Variants in ROR1 observed in about 807,000 individuals in gnomAD.
The protein encoded by ROR1 is ROR family WNT receptor 1.
ROR1 carries 19 observed loss-of-function variants against 78.8 expected under a neutral mutation model. The ratio of observed to expected loss-of-function variants is 0.24; its 90% CI spans 0.17 to 0.35. ROR1 has a LOEUF of 0.35. Ranked by LOEUF, ROR1 falls within the 10% of genes least tolerant of loss-of-function variation. The pLI, the probability that ROR1 is intolerant of heterozygous loss-of-function variation, is 1.00. For synonymous variants in ROR1, 386 were observed against 433.6 expected (o/e 0.89, Z 1.36); for missense variants, 917 against 1,177.8 (o/e 0.78, Z 3.24).
At chr1:63,969,605 A>G (rs1362633872) in intron 1 of ROR1, among the ~76,000 whole-genome samples, 1 of 152,044 alleles carries the variant, frequency 6.6e-6, no homozygotes, top group African/African-American at 2.4e-5. Context: ...TCCTGTCCCC[A>G]TGAATGGCCC....
chr1:63,822,000 A>G (rs1447757078), intron 1 of ROR1, among the ~76,000 whole-genome samples: 1 of 152,214 alleles, frequency 6.6e-6, no homozygotes, highest in Non-Finnish European at 1.5e-5. Flanking sequence ...TTTGGTGCAG[A>G]CATTTTCTTG....
At chr1:64,091,704 C>G (rs944342246) in intron 4 of ROR1, among the ~76,000 whole-genome samples, 4 of 152,232 alleles carry the variant, frequency 2.6e-5, no homozygotes, top group Admixed American at 6.5e-5. Context: ...CCATTATATT[C>G]TCTTCTTCCC....
At chr1:63,900,208 C>T (rs989121135) in intron 1 of ROR1, among the ~76,000 whole-genome samples, 2 of 152,090 alleles carry the variant, frequency 1.3e-5, no homozygotes, top group Non-Finnish European at 2.9e-5. Flanking sequence ...AATCCCAGCA[C>T]CTTGGGAGGC....
chr1:64,036,647 A>T (rs1483915087), intron 2 of ROR1, among the ~76,000 whole-genome samples: 1 of 152,186 alleles, frequency 6.6e-6, no homozygotes, highest in Non-Finnish European at 1.5e-5. Context: ...CTTCTCCAAT[A>T]AATGTCTGCT....
chr1:63,965,390 C>A (rs923940980), intron 1 of ROR1, among the ~76,000 whole-genome samples: 2 of 152,180 alleles, frequency 1.3e-5, no homozygotes, highest in African/African-American at 2.4e-5. Context: ...CTGGTTACTA[C>A]GATGAAGAGT....
At chr1:64,051,012 A>T (rs1258871324) in intron 4 of ROR1, among the ~76,000 whole-genome samples, 1 of 152,188 alleles carries the variant, frequency 6.6e-6, no homozygotes, top group Non-Finnish European at 1.5e-5. Flanking sequence ...GATTTGGTAA[A>T]ATCAAACAAA....
intron 4 of ROR1, chr1:64,106,725 T>C (rs941707517): frequency 6.6e-6 from 1 of 152,226 alleles, no homozygotes; most frequent in Admixed American, 6.5e-5. Context: ...ATGTGGTTTT[T>C]GTCTTTGGTT....
intron 1 of ROR1, among the ~76,000 whole-genome samples, chr1:63,787,847 T>G (rs1400173040): frequency 1.3e-5 from 2 of 152,234 alleles, no homozygotes; most frequent in Non-Finnish European, 1.5e-5. Context: ...TTTCAATCCC[T>G]CATCTGTCAC....
intron 4 of ROR1, chr1:64,106,648 T>C (rs985793182): frequency 2.0e-5 from 3 of 152,152 alleles, no homozygotes; most frequent in Admixed American, 1.3e-4. Flanking sequence ...ATCTAGTTTA[T>C]TGAGTTTTTA....
At chr1:64,054,935 C>T (rs1646862370) in intron 4 of ROR1, among the ~76,000 whole-genome samples, 1 of 152,104 alleles carries the variant, frequency 6.6e-6, no homozygotes, top group Admixed American at 6.6e-5. Context: ...ATGCATCTCC[C>T]CAACCTCTGC....
At chr1:63,944,179 A>G (rs1429647346) in intron 1 of ROR1, among the ~76,000 whole-genome samples, 1 of 152,180 alleles carries the variant, frequency 6.6e-6, no homozygotes, top group Non-Finnish European at 1.5e-5. Context: ...CTTTTATGCC[A>G]AGCATTTGAT....
intron 4 of ROR1, among the ~76,000 whole-genome samples, chr1:64,079,780 C>A (rs965430552): frequency 2.0e-5 from 3 of 152,168 alleles, no homozygotes; most frequent in Non-Finnish European, 2.9e-5. Flanking sequence ...CCGTATCTGG[C>A]CTTGATTGGA....
Position 63,801,253 on chromosome 1 carries a change from C to T in ROR1, c.91+26745C>T, listed in dbSNP as rs187008233. Among the ~76,000 whole-genome samples, 318 of 152,236 alleles carry T rather than the reference C, an allele frequency of 2.1e-3. 1 individual carries two copies. Among genetic ancestry groups the T allele is most frequent in the African/African-American group, 7.4e-3 (307 of 41,550 alleles). On this transcript the variant is annotated intron_variant, in intron 1 of 8. Coordinates refer to ENST00000371079, the MANE Select transcript of ROR1 (RefSeq NM_005012.4). ...TTAACCTGTTTTTGAATCTTCTACT[C>T]ATAACATGGACGTATTATGTGGCTG...
At chr1:64,088,269 A>G (rs768480182) in intron 4 of ROR1, among the ~76,000 whole-genome samples, 13 of 152,170 alleles carry the variant, frequency 8.5e-5, no homozygotes, top group Non-Finnish European at 1.3e-4. Flanking sequence ...TATTATTGCT[A>G]TGTATGTCCA....
chr1:63,900,453 CAAAAAAA>C (rs371935993), intron 1 of ROR1, among the ~76,000 whole-genome samples: 5 of 110,720 alleles, frequency 4.5e-5, no homozygotes, highest in African/African-American at 1.4e-4. Context: ...GACTCCATCT[CAAAAAAA>C]AAAAAAAAAA....
intron 4 of ROR1, among the ~76,000 whole-genome samples, chr1:64,071,861 A>T (rs1647006732): frequency 6.6e-6 from 1 of 152,202 alleles, no homozygotes; most frequent in African/African-American, 2.4e-5. Flanking sequence ...GCCATGTTCT[A>T]GGAGAGAGGG....
At chr1:63,806,316 A>ATT (rs370972368) in intron 1 of ROR1, among the ~76,000 whole-genome samples, 43 of 87,248 alleles carry the variant, frequency 4.9e-4, no homozygotes, top group African/African-American at 4.1e-4. Flanking sequence ...CTGTCAGACT[A>ATT]TTTTTTTTTT....
chr1:63,895,879 T>C (rs2100395499), intron 1 of ROR1, among the ~76,000 whole-genome samples: 1 of 152,312 alleles, frequency 6.6e-6, no homozygotes, highest in East Asian at 1.9e-4. Flanking sequence ...GAGTGTTTTG[T>C]GCTCAGAAAA....
At chr1:64,165,863 C>G (rs1029692852) in intron 8 of ROR1, among the ~76,000 whole-genome samples, 4 of 151,898 alleles carry the variant, frequency 2.6e-5, no homozygotes, top group African/African-American at 9.7e-5. Flanking sequence ...TACCACCACA[C>G]GTGGCTAATT....
Sources: allele counts gnomAD v4.1 joint callset (sites outside exome capture counted in the v4.1 genomes callset), GRCh38; gene constraint gnomAD v4.1.1; transcripts MANE v1.5; gene names NCBI Gene and HGNC (gene_info 2026-07-23, HGNC 2026-07-21).